The following CUBN variants were observed in gnomAD, a reference collection of about 807,000 sequenced individuals.
CUBN encodes the protein cubilin.
In CUBN, 282 loss-of-function variants were observed where a neutral mutation model predicts 405.3. The ratio of observed to expected loss-of-function variants is 0.70; its 90% CI spans 0.63 to 0.77. CUBN has a LOEUF of 0.77. Ranked by LOEUF, CUBN falls within the 30% of genes least tolerant of loss-of-function variation. CUBN has a pLI of 0.00. For missense variants in CUBN, 4,514 were observed against 4,475.2 expected, an observed-to-expected ratio of 1.01 and a Z score of -0.25; for synonymous variants, 1,684 against 1,617.0, an observed-to-expected ratio of 1.04 and a Z score of -0.99.
chr10:17,086,440 T>A (rs1440880937), intron 15 of CUBN, among the ~76,000 whole-genome samples: 1 of 152,230 alleles, frequency 6.6e-6, no homozygotes, highest in Non-Finnish European at 1.5e-5. Flanking sequence ...AACTGATTCA[T>A]AACTTGGTCC....
chr10:17,070,343 T>G (rs1005433791), intron 19 of CUBN, among the ~76,000 whole-genome samples: 1 of 152,202 alleles, frequency 6.6e-6, no homozygotes, highest in East Asian at 1.9e-4. Context: ...ATTTTGGTTA[T>G]TCTGGTTCCC....
At chr10:17,049,874 T>C (rs1056948376) in intron 22 of CUBN, among the ~76,000 whole-genome samples, 3 of 152,238 alleles carry the variant, frequency 2.0e-5, no homozygotes, top group Admixed American at 2.0e-4. Context: ...AAACATATTT[T>C]GTAATTGTTT....
At position 16,939,248 on chromosome 10, in the gene CUBN, T is replaced by G. The variant is rs74116774; in HGVS notation, c.5549-101A>C. 4,136 of 914,166 alleles carry G rather than the reference T, an allele frequency of 4.5e-3. 103 individuals are homozygous for G. The African/African-American group carries it at 0.058, about 13-fold the overall frequency. The allele number at this position is 914,166 out of a possible 1,614,324, so 56.6% of individuals were successfully genotyped here. On this transcript the variant is annotated intron_variant, in intron 37 of 66. Transcript: ENST00000377833. ...AAGGGTGTTGAAAAGGATGGACTTT[T>G]AATTGACTGTGATTTCTTTTCTGAC... is the stretch of plus-strand genomic sequence containing the variant.
chr10:16,937,597 G>A lies in CUBN; in HGVS notation c.5921C>T (p.Ala1974Val). 1 of 1,613,602 alleles carries A rather than the reference G, an allele frequency of 6.2e-7. No homozygotes were observed. The highest frequency in any genetic ancestry group is 1.1e-5 in the South Asian group (1 of 91,068). Residue 1974 changes from alanine (A) to valine (V), a missense_variant, in exon 39 of 67, where the codon GCT becomes GTT. Physicochemically the swap from Ala to Val is moderately conservative, Grantham distance 64. Around this residue, in one of 5 missense-constraint regions of CUBN, gnomAD observed 1,613 missense variants for 1,542.8 expected, o/e 1.05. Coordinates refer to ENST00000377833, the MANE Select transcript of CUBN (RefSeq NM_001081.4). ...TCATTTATTACCAAACACACCTGGA[G>A]CAATGGTAGGTAAAACACCATCAGG... ...DAPDGVLPTI[A>V]PGACGGFLRT...
At chr10:16,944,541 A>G (rs1056593557) in intron 36 of CUBN, among the ~76,000 whole-genome samples, 1 of 152,226 alleles carries the variant, frequency 6.6e-6, no homozygotes, top group Admixed American at 6.5e-5. Flanking sequence ...GTTTCCAAGC[A>G]TCCATCTGGA....
At chr10:17,125,267 C>T (rs1048101921) in intron 4 of CUBN, among the ~76,000 whole-genome samples, 2 of 151,814 alleles carry the variant, frequency 1.3e-5, no homozygotes, top group Admixed American at 6.6e-5. Context: ...CATACAAATA[C>T]AACATACTAT....
At chr10:17,039,765 C>G (rs1834976230) in intron 27 of CUBN, among the ~76,000 whole-genome samples, 1 of 152,108 alleles carries the variant, frequency 6.6e-6, no homozygotes, top group Non-Finnish European at 1.5e-5. Flanking sequence ...TCTTAGAATA[C>G]TGGTAAACAA....
At chr10:16,942,813 G>GGGAAGGGAAGGGAAAA (rs1314530856) in intron 36 of CUBN, among the ~76,000 whole-genome samples, 13 of 127,834 alleles carry the variant, frequency 1.0e-4, no homozygotes, top group Non-Finnish European at 2.0e-4. Context: ...GGAAAAGGAA[G>GGGAAGGGAAGGGAAAA]GGAAGGGAAG....
intron 31 of CUBN, among the ~76,000 whole-genome samples, chr10:16,961,635 A>G (rs1843220129): frequency 6.6e-6 from 1 of 151,714 alleles, no homozygotes; most frequent in African/African-American, 2.4e-5. Flanking sequence ...ATAAATAAGC[A>G]TTATTTAAAA....
intron 31 of CUBN, among the ~76,000 whole-genome samples, chr10:16,955,998 A>G (rs903712510): frequency 2.6e-5 from 4 of 151,324 alleles, no homozygotes; most frequent in Admixed American, 1.3e-4. Flanking sequence ...TGCCATTTAT[A>G]TTTCATAAGA....
At chr10:17,069,277 G>A (rs1172415603) in intron 19 of CUBN, among the ~76,000 whole-genome samples, 1 of 152,128 alleles carries the variant, frequency 6.6e-6, no homozygotes, top group East Asian at 1.9e-4. Flanking sequence ...TATTATAGAT[G>A]ATGACTGTAG....
At chr10:17,128,285 T>A (rs117345824) in intron 2 of CUBN, among the ~76,000 whole-genome samples, 2 of 152,312 alleles carry the variant, frequency 1.3e-5, no homozygotes, top group East Asian at 3.9e-4. Flanking sequence ...TGCTTCAGGG[T>A]TTCTTTACCT....
At chr10:16,902,519 C>G (rs1436842682) in intron 51 of CUBN, among the ~76,000 whole-genome samples, 7 of 151,506 alleles carry the variant, frequency 4.6e-5, no homozygotes, top group African/African-American at 1.7e-4. Flanking sequence ...ATGTTCAATA[C>G]AAATAATACT....
intron 27 of CUBN, among the ~76,000 whole-genome samples, chr10:17,021,888 C>T (rs1478633116): frequency 6.6e-6 from 1 of 152,146 alleles, no homozygotes; most frequent in Non-Finnish European, 1.5e-5. Context: ...GATTGTGAGT[C>T]GCCTTAAAGC....
chr10:16,875,271 T>A (rs1306763100), intron 57 of CUBN, among the ~76,000 whole-genome samples: 1 of 152,118 alleles, frequency 6.6e-6, no homozygotes, highest in East Asian at 1.9e-4. Context: ...ATCCACAATA[T>A]AAAGTGATTA....
intron 10 of CUBN, among the ~76,000 whole-genome samples, chr10:17,108,792 CA>C (rs1836699099): frequency 6.6e-6 from 1 of 151,804 alleles, no homozygotes; most frequent in African/African-American, 2.4e-5. Flanking sequence ...AAGATTAAAA[CA>C]AAAACAACAT....
intron 14 of CUBN, among the ~76,000 whole-genome samples, chr10:17,098,218 C>T (rs1275473397): frequency 6.6e-6 from 1 of 152,154 alleles, no homozygotes; most frequent in African/African-American, 2.4e-5. Context: ...GGATATTCAG[C>T]CCAGTCCAGC....
At chr10:16,836,514 G>C in intron 62 of CUBN, 132 bp from the exon 63 acceptor site, 1 of 893,520 alleles carries the variant, frequency 1.1e-6, no homozygotes, top group Non-Finnish European at 1.8e-6. Context: ...TGTTGGAAGT[G>C]CTCTGCAAGA....
chr10:16,862,637 A>T (rs1390837962), intron 59 of CUBN, among the ~76,000 whole-genome samples: 1 of 152,188 alleles, frequency 6.6e-6, no homozygotes, highest in African/African-American at 2.4e-5. Context: ...ATAACAAAAG[A>T]ATGTTTTAAA....
Sources: gnomAD v4.1 joint callset for allele counts (sites outside exome capture counted in the v4.1 genomes callset) on GRCh38, gnomAD v4.1.1 for gene constraint, gnomAD v4.1.1 regional missense constraint, MANE v1.5 for transcripts, NCBI Gene and HGNC (gene_info 2026-07-23, HGNC 2026-07-21) for gene names.